The following LRIG3 variants were observed in gnomAD, a reference collection of about 807,000 sequenced individuals.
LRIG3 encodes the protein leucine rich repeats and immunoglobulin like domains 3.
A neutral mutation model predicts 114.5 loss-of-function variants in LRIG3; 76 were observed. The ratio of observed to expected loss-of-function variants is 0.66; its 90% CI spans 0.55 to 0.80. LRIG3 has a LOEUF of 0.80. LRIG3 is among the 30% of genes least tolerant of loss of function. The pLI, the probability that LRIG3 is intolerant of heterozygous loss-of-function variation, is 0.00. For missense variants in LRIG3, 1,239 were observed against 1,382.8 expected (o/e 0.90, Z 1.65); for synonymous variants, 512 against 519.8 (o/e 0.98, Z 0.20).
intron 3 of LRIG3, among the ~76,000 whole-genome samples, chr12:58,895,609 C>A (rs1272182227): frequency 6.6e-6 from 1 of 152,162 alleles, no homozygotes; most frequent in Admixed American, 6.5e-5. Flanking sequence ...GAAACCACAT[C>A]AGACATTTGA....
intron 13 of LRIG3, chr12:58,880,322 A>G: frequency 1.7e-6 from 1 of 603,518 alleles, no homozygotes; most frequent in Admixed American, 2.7e-5. Context: ...AAGAAAAAGA[A>G]AAAAAAAAGA....
At chr12:58,890,896 A>T in intron 3 of LRIG3, 100 bp from the exon 4 acceptor site, 1 of 1,182,424 alleles carries the variant, frequency 8.5e-7, no homozygotes, top group Non-Finnish European at 1.2e-6. Flanking sequence ...GAAATATGGA[A>T]CTGACTAATC....
intron 6 of LRIG3, among the ~76,000 whole-genome samples, 159 bp from the exon 7 acceptor site, chr12:58,888,631 A>G (rs1214951371): frequency 6.6e-6 from 1 of 152,190 alleles, no homozygotes; most frequent in East Asian, 1.9e-4. Context: ...TATAGTTTAT[A>G]CTATACTAAA....
At position 58,880,914 on chromosome 12, in the gene LRIG3, G is replaced by A; in HGVS notation, c.1481-13C>T. Reference sequence around the variant, plus strand: ...TTGGGAAAATCATCTGTTAAAAATGGAGAGGAGGAGACAAAACAATGTTAA... The same window carrying A: ...TTGGGAAAATCATCTGTTAAAAATGAAGAGGAGGAGACAAAACAATGTTAA... On this transcript the variant is annotated splice_polypyrimidine_tract_variant and intron_variant, in intron 12 of 18. Coordinates refer to ENST00000320743, the MANE Select transcript of LRIG3 (RefSeq NM_153377.5). The A allele has an allele frequency of 6.2e-7, 1 of 1,605,606 alleles. No homozygotes were observed. The highest frequency in any genetic ancestry group is 8.5e-7 in the Non-Finnish European group (1 of 1,174,074).
chr12:58,880,974 A>T lies in LRIG3; in HGVS notation c.1481-73T>A, dbSNP rs151252867. 2.8e-6 allele frequency: 4 copies of T among 1,419,730 alleles called. No homozygotes were observed. In the African/African-American group the frequency reaches 5.7e-5, roughly 20 times the overall value. 87.9% of individuals were successfully genotyped at this position (1,419,730 alleles called of 1,614,324 possible). A position where few individuals can be genotyped will look rare whatever the true frequency, so the allele number is the denominator to read the frequency against. ...GTCCAAATACTACTCAAATTTGAAC[A>T]CCAAGAAATGCAAAAACAGTGGCTT... On this transcript the variant is annotated intron_variant, in intron 12 of 18. Coordinates refer to ENST00000320743, the MANE Select transcript of LRIG3 (RefSeq NM_153377.5).
chr12:58,889,752 G>A (rs2120913506), intron 5 of LRIG3, among the ~76,000 whole-genome samples: 3 of 152,114 alleles, frequency 2.0e-5, no homozygotes, highest in Middle Eastern at 6.8e-3. Flanking sequence ...CTTGTTCAAT[G>A]ATTACACTGT....
chr12:58,915,874 GT>G (rs1174927846), intron 1 of LRIG3, among the ~76,000 whole-genome samples: 1 of 152,076 alleles, frequency 6.6e-6, no homozygotes, highest in African/African-American at 2.4e-5. Flanking sequence ...TTCCCACATG[GT>G]TTAAAAAACA....
chr12:58,888,094 A>T (rs1871335152), intron 7 of LRIG3, among the ~76,000 whole-genome samples, 162 bp from the exon 8 acceptor site: 1 of 152,250 alleles, frequency 6.6e-6, no homozygotes, highest in Admixed American at 6.5e-5. Flanking sequence ...AATTAAAAAA[A>T]TACGTTCTCT....
chr12:58,874,777 T>C (rs1478349811), intron 16 of LRIG3, among the ~76,000 whole-genome samples: 19 of 152,230 alleles, frequency 1.2e-4, no homozygotes, highest in Admixed American at 1.2e-3. Context: ...GTGGCCTTAT[T>C]GCTCACTTGG....
chr12:58,913,300 G>A (rs887399549), intron 3 of LRIG3, among the ~76,000 whole-genome samples: 2 of 152,106 alleles, frequency 1.3e-5, no homozygotes, highest in African/African-American at 4.8e-5. Context: ...TAAACCACAG[G>A]CATTCTAAAT....
Position 58,882,974 on chromosome 12 carries a change from C to G in LRIG3, c.1375G>C (p.Val459Leu), listed in dbSNP as rs1415676245. 6.2e-7 allele frequency: 1 copy of G among 1,614,004 alleles called. No homozygotes were observed. The highest frequency in any genetic ancestry group is 8.5e-7 in the Non-Finnish European group (1 of 1,180,000). Reference protein sequence around the residue: ...DCQLKWLPQWVAENNFQSFVN... With the variant: ...DCQLKWLPQWLAENNFQSFVN... ...AAGCTCTGAAAGTTGTTTTCCGCCA[C>G]CCACTGTGGGAGCCATTTTAGCTGG... Residue 459 changes from valine (V) to leucine (L), a missense_variant, in exon 12 of 19, where the codon GTG becomes CTG. By Grantham distance (32) the Val-to-Leu change is conservative. Transcript: ENST00000320743.
chr12:58,913,474 C>T (rs1385087100), intron 3 of LRIG3: 1 of 152,260 alleles, frequency 6.6e-6, no homozygotes, highest in Non-Finnish European at 1.5e-5. Context: ...TGTCTTCAGT[C>T]ACATATTTAC....
In LRIG3 at chr12:58,882,957, A is replaced by T; in HGVS notation, c.1392T>A (p.Phe464Leu). 1 of 1,614,166 alleles carries T rather than the reference A, an allele frequency of 6.2e-7. No homozygotes were observed. Among genetic ancestry groups the T allele is most frequent in the Non-Finnish European group, 8.5e-7 (1 of 1,180,010 alleles). Residue 464 changes from phenylalanine (F) to leucine (L), a missense_variant, in exon 12 of 19, where the codon TTT (phenylalanine) becomes TTA (leucine). Coordinates refer to ENST00000320743, the MANE Select transcript of LRIG3 (RefSeq NM_153377.5). ...WLPQWVAENN[F>L]QSFVNASCAH... ...CACAACTGGCATTTACAAAGCTCTG[A>T]AAGTTGTTTTCCGCCACCCACTGTG...
In LRIG3 at chr12:58,883,603, C is replaced by T. The variant is rs776076175; in HGVS notation, c.1245-12G>A. The stretch of plus-strand genomic sequence containing the variant: ...TGTCACTCAGGTCTCTGAAAAATCA[C>T]CAAATCAAATGCATCAGAGCAAACT... On this transcript the variant is annotated splice_polypyrimidine_tract_variant and intron_variant, in intron 10 of 18. Transcript: ENST00000320743. The T allele has an allele frequency of 6.5e-7, 1 of 1,534,420 alleles. No individual in the cohort carries two copies. The highest frequency in any genetic ancestry group is 8.9e-7 in the Non-Finnish European group (1 of 1,124,772).
chr12:58,910,672 C>T (rs563018872), intron 3 of LRIG3, among the ~76,000 whole-genome samples: 1 of 152,212 alleles, frequency 6.6e-6, no homozygotes, highest in South Asian at 2.1e-4. Context: ...CAGTCACTGA[C>T]CTAACATTCT....
At chr12:58,881,189 C>CCCTT (rs1871117529) in intron 12 of LRIG3, among the ~76,000 whole-genome samples, 1 of 152,124 alleles carries the variant, frequency 6.6e-6, no homozygotes, top group Admixed American at 6.5e-5. Context: ...TATTCCTGAT[C>CCCTT]CCTTATGCTT....
chr12:58,898,528 C>T (rs1056887527), intron 3 of LRIG3, among the ~76,000 whole-genome samples: 1 of 152,208 alleles, frequency 6.6e-6, no homozygotes, highest in Admixed American at 6.5e-5. Context: ...TTGGCTTGCT[C>T]CTTCATTTTC....
chr12:58,875,202 G>T (rs1433235264), intron 16 of LRIG3, among the ~76,000 whole-genome samples: 1 of 152,192 alleles, frequency 6.6e-6, no homozygotes, highest in East Asian at 1.9e-4. Context: ...TCCAGCCTCA[G>T]CATCTAGGCA....
rs772876103 is a variant in LRIG3 at position 58,874,427 on chromosome 12, T to A, written c.2839+3A>T. The stretch of plus-strand genomic sequence containing the variant: ...ACTGTACTCAAGCAAGAAAACCACC[T>A]ACCTGTATGATATGTTTCAAAAGGA... On this transcript the variant is annotated splice_donor_region_variant and intron_variant, in intron 17 of 18. Transcript: ENST00000320743. 6.2e-7 allele frequency: 1 copy of A among 1,614,088 alleles called. No individual in the cohort carries two copies. The highest frequency in any genetic ancestry group is 2.2e-5 in the East Asian group (1 of 44,866).
Sources: gnomAD v4.1 joint callset for allele counts (sites outside exome capture counted in the v4.1 genomes callset) on GRCh38, gnomAD v4.1.1 for gene constraint, MANE v1.5 for transcripts, NCBI Gene and HGNC (gene_info 2026-07-23, HGNC 2026-07-21) for gene names.